Variants in PGM3 observed in about 807,000 individuals in gnomAD.
PGM3 encodes phosphoglucomutase 3, also known as phosphoacetylglucosamine mutase.
A neutral mutation model predicts 66.2 loss-of-function variants in PGM3; 40 were observed. That is an observed-to-expected ratio of 0.60 (90% CI 0.47 to 0.79). The LOEUF (loss-of-function observed/expected upper bound fraction) is 0.79, where lower values mean the gene tolerates loss of function less well. Ranked by LOEUF, PGM3 falls within the 30% of genes least tolerant of loss-of-function variation. The pLI is 0.00. For synonymous variants in PGM3, 191 were observed against 224.2 expected (o/e 0.85, Z 1.32); for missense variants, 537 against 643.4 (o/e 0.83, Z 1.79).
At chr6:83,153,694 C>T in the PGM3 span, 3 of 1,276,344 alleles carry the variant, frequency 2.4e-6, no homozygotes, top group South Asian at 1.5e-5. Context: ...CCCTTATTGC[C>T]ATTTCTAGAA....
chr6:83,179,970 A>T lies in PGM3; in HGVS notation c.788-3T>A. On this transcript the variant is annotated splice_region_variant and splice_polypyrimidine_tract_variant and intron_variant, in intron 6 of 12. Coordinates refer to ENST00000513973, the MANE Select transcript of PGM3 (RefSeq NM_015599.3). ...TTCATTGGACTTAATTTCCATTCCT[A>T]GCACACAGGATAATTTAACATGCAT... 1.2e-6 allele frequency: 2 copies of T among 1,603,534 alleles called. No individual in the cohort carries two copies. The highest frequency in any genetic ancestry group is 1.7e-6 in the Non-Finnish European group (2 of 1,172,974).
chr6:83,178,794 G>A, intron 7 of PGM3, 38 bp from the exon 8 acceptor site: 2 of 1,152,268 alleles, frequency 1.7e-6, no homozygotes, highest in African/African-American at 1.5e-5. Context: ...GCCATCAAAA[G>A]TATGGTCTAC....
the PGM3 span, among the ~76,000 whole-genome samples, chr6:83,150,539 A>G: frequency 6.6e-6 from 1 of 152,290 alleles, no homozygotes; most frequent in Non-Finnish European, 1.5e-5. Context: ...TTGTCAGTTT[A>G]CCTTTTTGCC....
chr6:83,183,500 G>A (rs1285672954), intron 4 of PGM3, among the ~76,000 whole-genome samples: 1 of 152,182 alleles, frequency 6.6e-6, no homozygotes, highest in Non-Finnish European at 1.5e-5. Context: ...GCAGAACCCA[G>A]TAGAAGACCA....
intron 4 of PGM3, 130 bp downstream of exon 4, chr6:83,186,878 T>C (rs1322502700): frequency 1.8e-6 from 1 of 541,502 alleles, no homozygotes; most frequent in Admixed American, 3.5e-5. Context: ...ATTTTGTATC[T>C]AGGAGTTCAT....
chr6:83,187,236 T>C (rs1223681749), intron 3 of PGM3, among the ~76,000 whole-genome samples, 161 bp from the exon 4 acceptor site: 3 of 152,196 alleles, frequency 2.0e-5, no homozygotes, highest in African/African-American at 7.2e-5. Flanking sequence ...TGGTAAATTA[T>C]AAGCATTTTC....
downstream of PGM3, among the ~76,000 whole-genome samples, chr6:83,163,778 C>G (rs1157973745): frequency 6.6e-6 from 1 of 152,014 alleles, no homozygotes; most frequent in Non-Finnish European, 1.5e-5. Context: ...CAGAGTTAAA[C>G]TGGCTTTATG....
At position 83,166,793 on chromosome 6, in the gene PGM3, A is replaced by C; in HGVS notation, c.*2441T>G. ...TGCTTGACCCACTAGGAAACTAGTGATATTAAATTATTAGGTAAACAATGA... is the reference window on the plus strand; with the variant it reads ...TGCTTGACCCACTAGGAAACTAGTGCTATTAAATTATTAGGTAAACAATGA... On this transcript the variant is annotated 3_prime_UTR_variant, in exon 13 of 13. Transcript: ENST00000513973. 9.6e-7 allele frequency: 1 copy of C among 1,040,218 alleles called. No homozygotes were observed. Among genetic ancestry groups the C allele is most frequent in the Non-Finnish European group, 1.2e-6 (1 of 865,926 alleles). The allele number at this position is 1,040,218 out of a possible 1,614,324, so 64.4% of individuals were successfully genotyped here.
chr6:83,168,179 G>A lies in PGM3; in HGVS notation c.*1055C>T. 1 of 1,605,466 alleles carries A rather than the reference G, an allele frequency of 6.2e-7. No homozygotes were observed. The highest frequency in any genetic ancestry group is 8.5e-7 in the Non-Finnish European group (1 of 1,176,660). ...TGATAAAAACTTGAGCACCATTGCT[G>A]GTTCCATTTAGCTTACATGTAAATG... is the stretch of plus-strand genomic sequence containing the variant. On this transcript the variant is annotated 3_prime_UTR_variant, in exon 13 of 13. Coordinates refer to ENST00000513973, the MANE Select transcript of PGM3 (RefSeq NM_015599.3).
At chr6:83,169,388 C>G in intron 12 of PGM3, 65 bp from the exon 13 acceptor site, 2 of 1,584,332 alleles carry the variant, frequency 1.3e-6, no homozygotes, top group Non-Finnish European at 1.7e-6. Flanking sequence ...TGGGCAAGAC[C>G]ATGTTACTTG....
At chr6:83,190,249 T>A (rs1352872936) in intron 2 of PGM3, among the ~76,000 whole-genome samples, 5 of 152,196 alleles carry the variant, frequency 3.3e-5, no homozygotes, top group African/African-American at 1.2e-4. Flanking sequence ...ATACAATTTT[T>A]ATTTATCACT....
the PGM3 span, among the ~76,000 whole-genome samples, chr6:83,155,310 A>AG: frequency 6.6e-6 from 1 of 152,030 alleles, no homozygotes; most frequent in African/African-American, 2.4e-5. Context: ...AAAAAAAAAA[A>AG]AAAAATTAAA....
chr6:83,181,591 G>C, intron 6 of PGM3, 145 bp downstream of exon 6: 1 of 585,528 alleles, frequency 1.7e-6, no homozygotes, highest in Non-Finnish European at 3.0e-6. Context: ...ATGGCTCTGA[G>C]AGTGGGAAGA....
In PGM3 at chr6:83,171,988, T is replaced by C. The variant is rs984829325; in HGVS notation, c.1314A>G (p.Gln438=). ...AILALKGLTV[Q]QWDALYTDLP... ...GATCTGTATAGAGAGCATCCCACTG[T>C]TGTACAGTCAAGCCCTTCAGAGCCA... The change falls in exon 11 of 13, where the codon CAA becomes CAG. Residue 438 remains glutamine (Q), a synonymous_variant. Transcript: ENST00000513973. 10 of 1,613,280 alleles carry C rather than the reference T, an allele frequency of 6.2e-6. No homozygotes were observed. The East Asian group carries it at 6.7e-5, about 11-fold the overall frequency.
intron 1 of PGM3, chr6:83,191,331 G>T: frequency 9.0e-7 from 1 of 1,112,694 alleles, no homozygotes; most frequent in Non-Finnish European, 1.3e-6. Flanking sequence ...CAACTAAAAT[G>T]AAGATTTTAC....
At position 83,167,697 on chromosome 6, in the gene PGM3, A is replaced by G; in HGVS notation, c.*1537T>C. 2 of 1,387,102 alleles carry G rather than the reference A, an allele frequency of 1.4e-6. No homozygotes were observed. Among genetic ancestry groups the G allele is most frequent in the Admixed American group, 6.6e-5 (2 of 30,466 alleles). 85.9% of individuals were successfully genotyped at this position (1,387,102 alleles called of 1,614,324 possible). A position where few individuals can be genotyped will look rare whatever the true frequency, so the allele number is the denominator to read the frequency against. ...CATGTAAAACTAATAAATGGCAGTA[A>G]AAGGTCTCAGAAGCACCAAGGGTTT... On this transcript the variant is annotated 3_prime_UTR_variant, in exon 13 of 13. Coordinates refer to ENST00000513973, the MANE Select transcript of PGM3 (RefSeq NM_015599.3).
chr6:83,188,797 T>C lies in PGM3; in HGVS notation c.206A>G (p.Glu69Gly), dbSNP rs777331145. 7.4e-6 allele frequency: 12 copies of C among 1,613,466 alleles called. No individual in the cohort carries two copies. In the African/African-American group the frequency reaches 1.3e-4, roughly 18 times the overall value. Residue 69 changes from glutamate (E) to glycine (G), a missense_variant and splice_region_variant, in exon 3 of 13, where the codon GAA becomes GGA. By Grantham distance (98) the Glu-to-Gly change is moderately conservative (BLOSUM62 -2). Transcript: ENST00000513973. ...ATCAACCAATTTTACACCATTGTCTTCCTTAAAAGAAAAACAAACAATAAG... is the reference window on the plus strand; with the variant it reads ...ATCAACCAATTTTACACCATTGTCTCCCTTAAAAGAAAAACAAACAATAAG... ...VMVTASHNPE[E>G]DNGVKLVDPL... is the part of the protein sequence containing the mutation.
At chr6:83,152,847 A>G in the PGM3 span, among the ~76,000 whole-genome samples, 1 of 151,746 alleles carries the variant, frequency 6.6e-6, no homozygotes, top group Non-Finnish European at 1.5e-5. Context: ...CGAACTCCTG[A>G]CCTCAGGTAA....
At chr6:83,192,716 C>A (rs1029553660) in intron 1 of PGM3, among the ~76,000 whole-genome samples, 1 of 152,026 alleles carries the variant, frequency 6.6e-6, no homozygotes, top group Non-Finnish European at 1.5e-5. Context: ...AAAAAAAGGT[C>A]CAGATAATAT....
Sources: allele counts gnomAD v4.1 joint callset (sites outside exome capture counted in the v4.1 genomes callset), GRCh38; gene constraint gnomAD v4.1.1; transcripts MANE v1.5; gene names NCBI Gene and HGNC (gene_info 2026-07-23, HGNC 2026-07-21).